Variants in WDR93 observed in about 807,000 individuals in gnomAD.
The protein encoded by WDR93 is WD repeat domain 93.
Under a neutral mutation model 82.9 loss-of-function variants are expected in WDR93, and 73 were observed. That is an observed-to-expected ratio of 0.88 (90% CI 0.73 to 1.07). WDR93 has a LOEUF of 1.07. WDR93 is among the 50% of genes least tolerant of loss of function. The pLI, the probability that WDR93 is intolerant of heterozygous loss-of-function variation, is 0.00. For missense variants in WDR93, 738 were observed against 826.0 expected (o/e 0.89, Z 1.31); for synonymous variants, 283 against 300.1 (o/e 0.94, Z 0.59).
intron 1 of WDR93, among the ~76,000 whole-genome samples, chr15:89,695,920 G>C (rs556608591): frequency 4.1e-5 from 6 of 147,320 alleles, no homozygotes; most frequent in African/African-American, 1.3e-4. Context: ...AGATTCAAGC[G>C]ATTATTGGTC....
intron 15 of WDR93, 102 bp downstream of exon 15, chr15:89,737,831 C>T: frequency 2.0e-6 from 3 of 1,519,884 alleles, no homozygotes; most frequent in Non-Finnish European, 1.8e-6. Context: ...CTCTGTGTCC[C>T]CCTCTACCAT....
intron 1 of WDR93, among the ~76,000 whole-genome samples, chr15:89,699,874 C>T (rs1343543407): frequency 1.3e-5 from 2 of 152,082 alleles, no homozygotes; most frequent in Admixed American, 6.6e-5. Context: ...ACTGTTTTGT[C>T]TGCTAATTCT....
At chr15:89,735,363 C>T in intron 13 of WDR93, 127 bp from the exon 14 acceptor site, 1 of 890,230 alleles carries the variant, frequency 1.1e-6, no homozygotes, top group Non-Finnish European at 1.8e-6. Context: ...TTTTTTGCTA[C>T]TATGAACAGC....
intron 7 of WDR93, among the ~76,000 whole-genome samples, chr15:89,718,907 G>A (rs1021771205): frequency 6.6e-6 from 1 of 152,088 alleles, no homozygotes; most frequent in Non-Finnish European, 1.5e-5. Context: ...GAGCCACCGC[G>A]CCCAGCCCCA....
At chr15:89,691,346 A>G (rs1487981066) in intron 1 of WDR93, among the ~76,000 whole-genome samples, 1 of 152,250 alleles carries the variant, frequency 6.6e-6, no homozygotes, top group Non-Finnish European at 1.5e-5. Context: ...ACCGCTGAAC[A>G]TTCGTTCTGT....
At chr15:89,690,608 T>G (rs1282406720), upstream of WDR93, 2 of 1,551,382 alleles carry the variant, frequency 1.3e-6, no homozygotes, top group Non-Finnish European at 1.7e-6. Flanking sequence ...TGGGTCTGGT[T>G]GGTGAAGCGG....
chr15:89,731,404 A>C (rs1567125743), intron 11 of WDR93, 39 bp from the exon 12 acceptor site: 1 of 1,568,394 alleles, frequency 6.4e-7, no homozygotes. Context: ...GTAGGTGCAG[A>C]GTCTGGGGGA....
chr15:89,743,305 G>T lies in WDR93; in HGVS notation c.1975G>T (p.Glu659Ter). 1 of 1,614,202 alleles carries T rather than the reference G, an allele frequency of 6.2e-7. No homozygotes were observed. The highest frequency in any genetic ancestry group is 8.5e-7 in the Non-Finnish European group (1 of 1,180,038). The change falls in exon 17 of 17, where the codon GAG (glutamate) becomes TAG (stop). Residue 659 changes from glutamate (E) to a stop codon, truncating the protein, a stop_gained. Coordinates refer to ENST00000268130, the MANE Select transcript of WDR93 (RefSeq NM_020212.2). LOFTEE classifies it low-confidence loss of function (END_TRUNC). ...RFLQKSYRKL[E>*]KNPEKEEEHW... Reference sequence around the variant, plus strand: ...TGTGGCCCTCAGCTATCGGAAGCTGGAGAAGAACCCAGAGAAGGAGGAGGA... The same window carrying T: ...TGTGGCCCTCAGCTATCGGAAGCTGTAGAAGAACCCAGAGAAGGAGGAGGA...
intron 6 of WDR93, among the ~76,000 whole-genome samples, chr15:89,715,927 C>T (rs1966230254): frequency 6.6e-6 from 1 of 152,132 alleles, no homozygotes; most frequent in South Asian, 2.1e-4. Flanking sequence ...AATATTAAGA[C>T]TTAATTTGCT....
Position 89,737,779 on chromosome 15 carries a change from G to C in WDR93, c.1765+50G>C, listed in dbSNP as rs75167608. 2.9e-3 allele frequency: 4,736 copies of C among 1,609,546 alleles called. 132 individuals carry two copies. The African/African-American group carries it at 0.056, about 19-fold the overall frequency. ...GCCCACTGACCATTTCCCTGACTTAGTTCTCTCACAAACAGAGAGAGCCCC... is the reference window on the plus strand; with the variant it reads ...GCCCACTGACCATTTCCCTGACTTACTTCTCTCACAAACAGAGAGAGCCCC... On this transcript the variant is annotated intron_variant, in intron 15 of 16. Transcript: ENST00000268130.
chr15:89,693,706 G>C (rs1965013491), intron 1 of WDR93, among the ~76,000 whole-genome samples: 1 of 152,208 alleles, frequency 6.6e-6, no homozygotes, highest in African/African-American at 2.4e-5. Context: ...ACCAGACCCA[G>C]GGTTTCTGTG....
At chr15:89,727,744 C>T (rs1466093433) in intron 9 of WDR93, among the ~76,000 whole-genome samples, 2 of 152,078 alleles carry the variant, frequency 1.3e-5, no homozygotes, top group Admixed American at 6.6e-5. Context: ...TACATGACAG[C>T]TCTAAAAATT....
In WDR93 at chr15:89,700,577, T is replaced by A. The variant is rs1259488355; in HGVS notation, c.-40-1130T>A. 8.2e-5 allele frequency among the ~76,000 whole-genome samples: 8 copies of A among 97,596 alleles called. No individual in the cohort carries two copies. In the South Asian group the frequency reaches 2.3e-3, roughly 28 times the overall value. The allele number at this position is 97,596 out of a possible 152,430, so 64.0% of individuals were successfully genotyped here. ...ATTGAGGGTTTTTTTTTTTTTTTTTTTTTGAGGCAAGGTCTCACTCTGTCA... is the reference window on the plus strand; with the variant it reads ...ATTGAGGGTTTTTTTTTTTTTTTTTATTTGAGGCAAGGTCTCACTCTGTCA... On this transcript the variant is annotated intron_variant, in intron 1 of 16. Transcript: ENST00000268130.
chr15:89,722,799 CAA>C (rs1211540990), intron 8 of WDR93, among the ~76,000 whole-genome samples: 1 of 151,598 alleles, frequency 6.6e-6, no homozygotes, highest in Non-Finnish European at 1.5e-5. Context: ...CACATGATCA[CAA>C]AGACATATCT....
intron 1 of WDR93, among the ~76,000 whole-genome samples, chr15:89,695,543 G>A (rs1965126436): frequency 6.6e-6 from 1 of 152,134 alleles, no homozygotes; most frequent in African/African-American, 2.4e-5. Context: ...TTATCCCTAA[G>A]TAGTTCATGT....
intron 2 of WDR93, 101 bp from the exon 3 acceptor site, chr15:89,702,846 GTTA>G: frequency 3.1e-6 from 4 of 1,290,018 alleles, no homozygotes; most frequent in Non-Finnish European, 4.2e-6. Flanking sequence ...GCCAGGAAAT[GTTA>G]TTATTATCTA....
intron 12 of WDR93, among the ~76,000 whole-genome samples, chr15:89,732,506 T>C (rs1458422436): frequency 6.6e-6 from 1 of 152,202 alleles, no homozygotes; most frequent in African/African-American, 2.4e-5. Flanking sequence ...AGCATTATTA[T>C]AGAAGCAAAA....
intron 1 of WDR93, among the ~76,000 whole-genome samples, chr15:89,700,962 G>A (rs964032058): frequency 6.1e-5 from 8 of 130,118 alleles, no homozygotes; most frequent in Admixed American, 3.9e-4. Flanking sequence ...GTTGATGTAT[G>A]CATATATATG....
intron 5 of WDR93, among the ~76,000 whole-genome samples, chr15:89,714,678 GC>G (rs1290779625): frequency 6.6e-6 from 1 of 152,100 alleles, no homozygotes; most frequent in African/African-American, 2.4e-5. Flanking sequence ...AAATGTGGGG[GC>G]TGGGCAGAAC....
Sources: gnomAD v4.1 joint callset for allele counts (sites outside exome capture counted in the v4.1 genomes callset) on GRCh38, gnomAD v4.1.1 for gene constraint, MANE v1.5 for transcripts, NCBI Gene and HGNC (gene_info 2026-07-23, HGNC 2026-07-21) for gene names.